Variants in TAS2R1 observed in about 807,000 individuals in gnomAD.
The protein encoded by TAS2R1 is taste 2 receptor member 1, also known as taste receptor type 2 member 1.
For synonymous variants in TAS2R1, 141 were observed against 134.2 expected (o/e 1.05, Z -0.35); for missense variants, 370 against 353.4 (o/e 1.05, Z -0.38).
chr5:9,725,104 G>A, the TAS2R1 span, among the ~76,000 whole-genome samples: 1 of 152,254 alleles, frequency 6.6e-6, no homozygotes, highest in Admixed American at 6.5e-5. Context: ...AGAAGGGGGT[G>A]AACTAGGTGA....
At chr5:9,755,789 A>G in the TAS2R1 span, among the ~76,000 whole-genome samples, 3 of 152,092 alleles carry the variant, frequency 2.0e-5, no homozygotes, top group Non-Finnish European at 4.4e-5. Context: ...CTGATTTTAG[A>G]CCACATAAGG....
the TAS2R1 span, among the ~76,000 whole-genome samples, chr5:9,724,590 CACT>C: frequency 6.6e-6 from 1 of 152,054 alleles, no homozygotes; most frequent in Non-Finnish European, 1.5e-5. Context: ...TCCAGGAAAC[CACT>C]GAGACACATT....
the TAS2R1 span, among the ~76,000 whole-genome samples, chr5:9,881,449 T>G: frequency 6.6e-6 from 1 of 152,150 alleles, no homozygotes; most frequent in Non-Finnish European, 1.5e-5. Context: ...AATTTATAGA[T>G]TCAATGCTAT....
chr5:9,756,690 C>T, the TAS2R1 span, among the ~76,000 whole-genome samples: 162 of 152,130 alleles, frequency 1.1e-3, 1 homozygote, highest in African/African-American at 3.3e-3. Context: ...AGGTATTTTT[C>T]GGTGTAAAAG....
exon 2 of TAS2R1, chr5:9,659,525 G>A (rs1740488306): frequency 6.6e-6 from 1 of 151,708 alleles, no homozygotes. Flanking sequence ...GGCCCACGCT[G>A]GTGGCAACGA....
chr5:9,807,972 T>C, the TAS2R1 span, among the ~76,000 whole-genome samples: 1 of 152,106 alleles, frequency 6.6e-6, no homozygotes, highest in African/African-American at 2.4e-5. Context: ...GAGACAGAAA[T>C]TTGTACCAAG....
chr5:9,882,398 C>T, the TAS2R1 span, among the ~76,000 whole-genome samples: 8 of 152,020 alleles, frequency 5.3e-5, no homozygotes, highest in East Asian at 3.9e-4. Flanking sequence ...GAGGCCAAGG[C>T]GGGGATCACT....
the TAS2R1 span, among the ~76,000 whole-genome samples, chr5:9,730,827 A>G: frequency 6.6e-6 from 1 of 152,138 alleles, no homozygotes; most frequent in Non-Finnish European, 1.5e-5. Context: ...TACTGTCATC[A>G]TGGTAGTGAA....
chr5:9,781,544 G>C, the TAS2R1 span, among the ~76,000 whole-genome samples: 5 of 152,252 alleles, frequency 3.3e-5, no homozygotes, highest in Non-Finnish European at 7.3e-5. Context: ...CTGAGTAAAA[G>C]GCACAGTCCC....
the TAS2R1 span, among the ~76,000 whole-genome samples, chr5:9,894,773 G>A: frequency 6.6e-6 from 1 of 152,238 alleles, no homozygotes; most frequent in Non-Finnish European, 1.5e-5. Flanking sequence ...CAAGGCCATG[G>A]GGCCCCTTTG....
chr5:9,848,615 A>T, the TAS2R1 span, among the ~76,000 whole-genome samples: 1 of 152,178 alleles, frequency 6.6e-6, no homozygotes, highest in African/African-American at 2.4e-5. Flanking sequence ...AAAAAAAATA[A>T]TGTGGAAGAT....
chr5:9,776,217 C>A, the TAS2R1 span, among the ~76,000 whole-genome samples: 1 of 152,168 alleles, frequency 6.6e-6, no homozygotes, highest in Non-Finnish European at 1.5e-5. Context: ...TCCACTGTGA[C>A]AGGGCAGCAC....
intron 1 of TAS2R1, among the ~76,000 whole-genome samples, chr5:9,688,104 A>T (rs1741163486): frequency 6.6e-6 from 1 of 152,220 alleles, no homozygotes; most frequent in African/African-American, 2.4e-5. Flanking sequence ...TAATTCAAAC[A>T]TATGTCCTAA....
chr5:9,690,826 A>G (rs1447026934), intron 1 of TAS2R1, among the ~76,000 whole-genome samples: 3 of 152,112 alleles, frequency 2.0e-5, no homozygotes, highest in Non-Finnish European at 4.4e-5. Context: ...TGAGCAAGGC[A>G]TCCTTTACCA....
chr5:9,655,267 A>G (rs1740386353), intron 2 of TAS2R1, among the ~76,000 whole-genome samples: 1 of 152,216 alleles, frequency 6.6e-6, no homozygotes, highest in African/African-American at 2.4e-5. Context: ...AAAACTTGTC[A>G]GTACAAACTT....
chr5:9,879,560 C>G, the TAS2R1 span, among the ~76,000 whole-genome samples: 1 of 152,178 alleles, frequency 6.6e-6, no homozygotes, highest in African/African-American at 2.4e-5. Context: ...GCTCAGCCCT[C>G]GACGCAAGAC....
intron 1 of TAS2R1, among the ~76,000 whole-genome samples, chr5:9,675,243 T>C (rs1740850478): frequency 6.6e-6 from 1 of 151,162 alleles, no homozygotes; most frequent in South Asian, 2.1e-4. Context: ...AATATGCTAA[T>C]ATATTCCAAC....
chr5:9,815,975 G>A, the TAS2R1 span, among the ~76,000 whole-genome samples: 6 of 152,078 alleles, frequency 3.9e-5, no homozygotes, highest in South Asian at 2.1e-4. Context: ...AAATATATGT[G>A]TATGCCCTAA....
chr5:9,865,986 TC>T, the TAS2R1 span, among the ~76,000 whole-genome samples: 5 of 152,382 alleles, frequency 3.3e-5, 1 homozygote, highest in South Asian at 1.0e-3. Flanking sequence ...CTGTTCATTT[TC>T]TTTCTCCTCT....
Sources: allele counts gnomAD v4.1 joint callset (sites outside exome capture counted in the v4.1 genomes callset), GRCh38; gene constraint gnomAD v4.1.1; transcripts MANE v1.5; gene names NCBI Gene and HGNC (gene_info 2026-07-23, HGNC 2026-07-21).